The following NCOA3 variants were observed in gnomAD, a reference collection of about 807,000 sequenced individuals.
NCOA3 encodes CBP-interacting protein.
In NCOA3, 51 loss-of-function variants were observed where a neutral mutation model predicts 158.8. The observed-to-expected ratio is 0.32, with a 90% CI of 0.26 to 0.41. The LOEUF (loss-of-function observed/expected upper bound fraction) is 0.41. Ranked by LOEUF, NCOA3 falls within the 10% of genes least tolerant of loss-of-function variation. The pLI, the probability that NCOA3 is intolerant of heterozygous loss-of-function variation, is 1.00. For missense variants in NCOA3, 1,510 were observed against 1,746.6 expected (o/e 0.86, Z 2.41); for synonymous variants, 537 against 592.4 (o/e 0.91, Z 1.36).
chr20:47,652,783 A>G, intron 21 of NCOA3, 148 bp from the exon 22 acceptor site: 1 of 1,052,858 alleles, frequency 9.5e-7, no homozygotes, highest in African/African-American at 1.6e-5. Context: ...AAGCTGTGAA[A>G]AATGGATCAC....
At chr20:47,585,046 CTTTTTTTTTT>C (rs11473989) in intron 2 of NCOA3, among the ~76,000 whole-genome samples, 12 of 91,300 alleles carry the variant, frequency 1.3e-4, no homozygotes, top group Admixed American at 1.4e-4. Context: ...CCTTTCTTAA[CTTTTTTTTTT>C]TTTTTTTTTT....
At chr20:47,520,979 T>C (rs2084322867) in intron 1 of NCOA3, among the ~76,000 whole-genome samples, 1 of 152,210 alleles carries the variant, frequency 6.6e-6, no homozygotes, top group Non-Finnish European at 1.5e-5. Context: ...GCAAGTACGG[T>C]TGTTTGTGAT....
At chr20:47,597,551 C>T (rs1441917609) in intron 2 of NCOA3, among the ~76,000 whole-genome samples, 2 of 148,826 alleles carry the variant, frequency 1.3e-5, no homozygotes, top group Non-Finnish European at 3.0e-5. Context: ...TGCAGTGGTG[C>T]GATCTCGGCT....
At chr20:47,532,426 G>A (rs919196091) in intron 1 of NCOA3, among the ~76,000 whole-genome samples, 6 of 152,058 alleles carry the variant, frequency 3.9e-5, no homozygotes, top group Non-Finnish European at 7.4e-5. Context: ...GTGAGGCCTT[G>A]CAGACAGTTG....
At chr20:47,633,464 A>C in intron 8 of NCOA3, 32 bp from the exon 9 acceptor site, 1 of 1,584,450 alleles carries the variant, frequency 6.3e-7, no homozygotes, top group Non-Finnish European at 8.6e-7. Flanking sequence ...TGGGCTGGAT[A>C]TAAGTCTTTT....
At chr20:47,532,625 G>A (rs937563012) in intron 1 of NCOA3, among the ~76,000 whole-genome samples, 9 of 151,878 alleles carry the variant, frequency 5.9e-5, no homozygotes, top group Non-Finnish European at 1.2e-4. Flanking sequence ...GTGTTAAGAC[G>A]TGCAGCTAAT....
At chr20:47,648,194 C>T (rs940944747) in intron 18 of NCOA3, among the ~76,000 whole-genome samples, 4 of 151,598 alleles carry the variant, frequency 2.6e-5, no homozygotes, top group African/African-American at 7.3e-5. Flanking sequence ...TGTGAGCCAC[C>T]GTGTGCGGCC....
Position 47,522,135 on chromosome 20 carries a change from T to C in NCOA3, c.-99+20116T>C, listed in dbSNP as rs539267238. Among the ~76,000 whole-genome samples the C allele has an allele frequency of 2.4e-4, 35 of 145,146 alleles. 1 individual carries two copies. The East Asian group carries it at 5.8e-3, about 24-fold the overall frequency. On this transcript the variant is annotated intron_variant, in intron 1 of 22. Transcript: ENST00000371998. ...TTTTTTTTTTTTTGAGACGGAGTCT[T>C]GCTGTCTCCTAGGCTGGAGTGCAGT...
At chr20:47,549,961 T>C (rs2084903138) in intron 1 of NCOA3, among the ~76,000 whole-genome samples, 1 of 152,098 alleles carries the variant, frequency 6.6e-6, no homozygotes, top group African/African-American at 2.4e-5. Flanking sequence ...TACCTGGGCC[T>C]CCCAGAGTGC....
chr20:47,589,951 T>A (rs945743608), intron 2 of NCOA3, among the ~76,000 whole-genome samples: 1 of 152,010 alleles, frequency 6.6e-6, no homozygotes, highest in East Asian at 1.9e-4. Flanking sequence ...AAAAATTTTT[T>A]AATTTATAAG....
intron 1 of NCOA3, among the ~76,000 whole-genome samples, chr20:47,552,421 G>T (rs886622951): frequency 1.3e-5 from 2 of 152,106 alleles, no homozygotes; most frequent in Non-Finnish European, 2.9e-5. Context: ...TTTGCTTTTT[G>T]ATATGAGGCA....
chr20:47,555,549 A>G (rs778554653), intron 1 of NCOA3, among the ~76,000 whole-genome samples: 7 of 152,200 alleles, frequency 4.6e-5, no homozygotes, highest in East Asian at 3.9e-4. Context: ...GTTCATACCA[A>G]TCTAAAGTGC....
intron 19 of NCOA3, 54 bp from the exon 20 acceptor site, chr20:47,650,928 C>A: frequency 1.3e-6 from 2 of 1,531,454 alleles, no homozygotes; most frequent in South Asian, 1.2e-5. Flanking sequence ...TATATGTATG[C>A]AACTGGCAGG....
chr20:47,652,355 TA>T, intron 20 of NCOA3, 50 bp from the exon 21 acceptor site: 1 of 1,509,804 alleles, frequency 6.6e-7, no homozygotes, highest in Non-Finnish European at 9.1e-7. Flanking sequence ...TCTGATATTC[TA>T]AGGAGAAGGC....
In NCOA3 at chr20:47,652,466, TGTC is replaced by T. The variant is rs778375802; in HGVS notation, c.4011_4013del (p.Ser1338del). 1.9e-5 allele frequency: 31 copies of T among 1,613,936 alleles called. No individual in the cohort carries two copies. In the African/African-American group the frequency reaches 3.2e-4, roughly 17 times the overall value. On this transcript the variant is annotated inframe_deletion, in exon 21 of 23. Coordinates refer to ENST00000371998, the MANE Select transcript of NCOA3 (RefSeq NM_181659.3). The stretch of plus-strand genomic sequence containing the variant: ...GTGTCTAGTCCTCCCAATGCAATGA[TGTC>T]GTCAAGAATGGGTCCCTCCCAGAAT...
chr20:47,557,045 A>G (rs1463192585), intron 1 of NCOA3, among the ~76,000 whole-genome samples: 1 of 152,200 alleles, frequency 6.6e-6, no homozygotes, highest in East Asian at 1.9e-4. Flanking sequence ...GTCTAATAAT[A>G]AACCAGCTAT....
At chr20:47,626,965 A>T (rs763627308) in intron 5 of NCOA3, 37 bp from the exon 6 acceptor site, 1 of 1,535,060 alleles carries the variant, frequency 6.5e-7, no homozygotes, top group Non-Finnish European at 8.9e-7. Flanking sequence ...GATACAATTC[A>T]GTCCATAACA....
chr20:47,549,526 C>CTCCA (rs2084895804), intron 1 of NCOA3, among the ~76,000 whole-genome samples: 3 of 146,914 alleles, frequency 2.0e-5, no homozygotes, highest in Non-Finnish European at 4.4e-5. Flanking sequence ...GTCTGCTGCA[C>CTCCA]TCCATCCTGG....
chr20:47,518,935 C>T (rs537965225), intron 1 of NCOA3, among the ~76,000 whole-genome samples: 48 of 138,210 alleles, frequency 3.5e-4, no homozygotes, highest in East Asian at 3.0e-3. Flanking sequence ...CAGGAGTTTG[C>T]AACCAACCTG....
Sources: allele counts gnomAD v4.1 joint callset (sites outside exome capture counted in the v4.1 genomes callset), GRCh38; gene constraint gnomAD v4.1.1; transcripts MANE v1.5; gene names NCBI Gene and HGNC (gene_info 2026-07-23, HGNC 2026-07-21).